The following CFAP58 variants were observed in gnomAD, a reference collection of about 807,000 sequenced individuals.
The protein encoded by CFAP58 is cilia- and flagella-associated protein 58.
CFAP58 carries 88 observed loss-of-function variants against 119.5 expected under a neutral mutation model. The ratio of observed to expected loss-of-function variants is 0.74; its 90% CI spans 0.62 to 0.88. The LOEUF (loss-of-function observed/expected upper bound fraction) is 0.88. CFAP58 is among the 40% of genes least tolerant of loss of function. The probability of loss-of-function intolerance (pLI) is 0.00; values close to 1 mark genes in which losing one functional copy is unlikely to be tolerated. For synonymous variants in CFAP58, 365 were observed against 366.3 expected, an observed-to-expected ratio of 1.00 and a Z score of 0.04; for missense variants, 990 against 1,021.2, an observed-to-expected ratio of 0.97 and a Z score of 0.42.
At chr10:104,406,572 G>GTA (rs2133050551) in intron 14 of CFAP58, 117 bp from the exon 15 acceptor site, 1 of 753,968 alleles carries the variant, frequency 1.3e-6, no homozygotes, top group South Asian at 1.7e-5. Context: ...AATTCTCTCT[G>GTA]TATTAGGTCT....
chr10:104,448,873 C>T (rs543469724), intron 16 of CFAP58, among the ~76,000 whole-genome samples: 1 of 152,316 alleles, frequency 6.6e-6, no homozygotes, highest in African/African-American at 2.4e-5. Context: ...TTCTTGTTTT[C>T]TCAGAGGTAG....
Position 104,408,206 on chromosome 10 carries a change from G to T in CFAP58, c.2256+1413G>T, listed in dbSNP as rs2012396815. On this transcript the variant is annotated intron_variant, in intron 15 of 17. Coordinates refer to ENST00000369704, the MANE Select transcript of CFAP58 (RefSeq NM_001008723.2). The stretch of plus-strand genomic sequence containing the variant: ...CTCTTCTCTTGTAGATTACTGTGTG[G>T]TTGAGGGAGTAGACTTTGGAGTCCA... 2.6e-5 allele frequency among the ~76,000 whole-genome samples: 4 copies of T among 152,204 alleles called. No homozygotes were observed. The South Asian group carries it at 6.2e-4, about 24-fold the overall frequency.
chr10:104,397,495 A>G (rs770095603), intron 11 of CFAP58, among the ~76,000 whole-genome samples: 5 of 152,176 alleles, frequency 3.3e-5, no homozygotes, highest in Non-Finnish European at 7.3e-5. Context: ...GTGTAGAATT[A>G]ATGACTTTTG....
At chr10:104,450,667 T>C (rs1048592853) in intron 17 of CFAP58, among the ~76,000 whole-genome samples, 34 of 148,116 alleles carry the variant, frequency 2.3e-4, no homozygotes, top group Non-Finnish European at 4.9e-4. Flanking sequence ...AGTTCACCTA[T>C]GTTTTATTTA....
intron 15 of CFAP58, among the ~76,000 whole-genome samples, chr10:104,409,784 T>C (rs1396357482): frequency 6.6e-6 from 1 of 152,208 alleles, no homozygotes; most frequent in Non-Finnish European, 1.5e-5. Context: ...TTTTGAAAAG[T>C]AGTTTTCCTA....
intron 8 of CFAP58, among the ~76,000 whole-genome samples, chr10:104,379,122 T>C (rs919156560): frequency 3.9e-5 from 6 of 152,070 alleles, no homozygotes; most frequent in Non-Finnish European, 7.4e-5. Context: ...AGTTTGACAA[T>C]CTCGTCCCCC....
chr10:104,409,409 T>C (rs993104826), intron 15 of CFAP58, among the ~76,000 whole-genome samples: 2 of 152,230 alleles, frequency 1.3e-5, no homozygotes, highest in Non-Finnish European at 2.9e-5. Flanking sequence ...TGTGACCAAC[T>C]AAGTGGTCAG....
chr10:104,378,866 C>T (rs1026082431), intron 8 of CFAP58, among the ~76,000 whole-genome samples: 2 of 151,174 alleles, frequency 1.3e-5, no homozygotes, highest in Non-Finnish European at 2.9e-5. Context: ...CTTGGGCAGC[C>T]AACCCAAGAT....
chr10:104,369,128 C>T (rs2014790519), intron 6 of CFAP58, among the ~76,000 whole-genome samples: 1 of 152,034 alleles, frequency 6.6e-6, no homozygotes, highest in Non-Finnish European at 1.5e-5. Flanking sequence ...GTATGCCTAC[C>T]TGCTTAACAG....
chr10:104,375,531 C>T (rs369461994), intron 7 of CFAP58, among the ~76,000 whole-genome samples: 61 of 152,084 alleles, frequency 4.0e-4, no homozygotes, highest in African/African-American at 1.4e-3. Flanking sequence ...CCAGCCTGGC[C>T]AACATGGTGA....
upstream of CFAP58, chr10:104,353,410 G>T (rs1419556638): frequency 6.3e-6 from 1 of 158,636 alleles, no homozygotes; most frequent in Non-Finnish European, 1.4e-5. Context: ...GGAAGGCAGA[G>T]TGTAGCCGCC....
chr10:104,375,989 A>T (rs1055681693), intron 7 of CFAP58, among the ~76,000 whole-genome samples: 3 of 152,022 alleles, frequency 2.0e-5, no homozygotes, highest in Non-Finnish European at 2.9e-5. Context: ...TTCTTATTGG[A>T]CCTAAAAGGG....
chr10:104,383,694 C>T (rs553284062), intron 9 of CFAP58, among the ~76,000 whole-genome samples: 159 of 151,868 alleles, frequency 1.0e-3, no homozygotes, highest in African/African-American at 3.7e-3. Flanking sequence ...CTCTGGACTT[C>T]TTAAGGATAT....
chr10:104,449,686 T>G (rs2133100850), intron 16 of CFAP58, among the ~76,000 whole-genome samples: 1 of 152,358 alleles, frequency 6.6e-6, no homozygotes, highest in South Asian at 2.1e-4. Flanking sequence ...GGTGATGTTT[T>G]TCTTGAATAT....
intron 11 of CFAP58, among the ~76,000 whole-genome samples, chr10:104,396,434 GAGAGAAAGAGAGAGAGAGAAAGAA>G: frequency 9.3e-6 from 1 of 106,982 alleles, no homozygotes; most frequent in South Asian, 2.9e-4. Context: ...GAGAGAGAGA[GAGAGAAAGAGAGAGAGAGAAAGAA>G]AGAGAAAGAG....
upstream of CFAP58, among the ~76,000 whole-genome samples, chr10:104,351,141 C>G (rs920027256): frequency 1.3e-5 from 2 of 152,184 alleles, no homozygotes; most frequent in African/African-American, 4.8e-5. Flanking sequence ...ATTTCAAGCT[C>G]ATTTCTATTA....
intron 9 of CFAP58, among the ~76,000 whole-genome samples, chr10:104,388,115 C>T (rs2011961275): frequency 6.6e-6 from 1 of 152,094 alleles, no homozygotes; most frequent in South Asian, 2.1e-4. Flanking sequence ...TGGGTAGAAT[C>T]CTGGAGAGAG....
At chr10:104,386,293 G>A (rs527719001) in intron 9 of CFAP58, among the ~76,000 whole-genome samples, 35 of 150,946 alleles carry the variant, frequency 2.3e-4, no homozygotes, top group Middle Eastern at 3.4e-3. Flanking sequence ...CAGGCAAATC[G>A]CTTGAACCTG....
rs368634585 is a variant in CFAP58 at position 104,358,459 on chromosome 10, A to G, written c.128A>G (p.Tyr43Cys). The G allele has an allele frequency of 7.5e-4, 1,209 of 1,614,096 alleles. 15 individuals carry two copies. In the South Asian group the frequency reaches 0.012, roughly 16 times the overall value. The change falls in exon 2 of 18, where the codon TAT (tyrosine) becomes TGT (cysteine). Residue 43 changes from tyrosine (Y) to cysteine (C), a missense_variant. Tyr to Cys is a radical substitution (Grantham distance 194). Transcript: ENST00000369704. ...AGTTTGGAAAAATTTCGGATTGAATATGAGAGGCTTCATGCTGTCATGAAA... is the reference window on the plus strand; with the variant it reads ...AGTTTGGAAAAATTTCGGATTGAATGTGAGAGGCTTCATGCTGTCATGAAA... Reference protein sequence around the residue: ...DKSLEKFRIEYERLHAVMKKS... With the variant: ...DKSLEKFRIECERLHAVMKKS...
Sources: allele counts gnomAD v4.1 joint callset (sites outside exome capture counted in the v4.1 genomes callset), GRCh38; gene constraint gnomAD v4.1.1; transcripts MANE v1.5; gene names NCBI Gene and HGNC (gene_info 2026-07-23, HGNC 2026-07-21).